The following STAU1 variants were observed in gnomAD, a reference collection of about 807,000 sequenced individuals.
STAU1 encodes staufen double-stranded RNA binding protein 1.
STAU1 carries 13 observed loss-of-function variants against 62.9 expected under a neutral mutation model. That is an observed-to-expected ratio of 0.21 (90% CI 0.13 to 0.33). STAU1 has a LOEUF of 0.33. Among genes scored for constraint, STAU1 ranks in the 10% least tolerant of loss-of-function variants. The pLI is 1.00. For missense variants in STAU1, 571 were observed against 712.1 expected (o/e 0.80, Z 2.25); for synonymous variants, 269 against 265.1 (o/e 1.01, Z -0.14).
the STAU1 span, among the ~76,000 whole-genome samples, chr20:49,207,288 C>CA: frequency 1.3e-5 from 2 of 151,822 alleles, no homozygotes; most frequent in Admixed American, 1.3e-4. Context: ...CCTGCCAAGT[C>CA]AGAGTGTCCA....
At chr20:49,153,487 T>C (rs1282676360) in intron 4 of STAU1, among the ~76,000 whole-genome samples, 1 of 148,378 alleles carries the variant, frequency 6.7e-6, no homozygotes, top group African/African-American at 2.5e-5. Context: ...GGGCAGATCA[T>C]CTGAGGTCCG....
At chr20:49,164,727 C>G (rs1600811220) in intron 3 of STAU1, among the ~76,000 whole-genome samples, 1 of 152,034 alleles carries the variant, frequency 6.6e-6, no homozygotes, top group African/African-American at 2.4e-5. Flanking sequence ...TAATCTCACA[C>G]TACCGTACTC....
intron 3 of STAU1, among the ~76,000 whole-genome samples, chr20:49,164,729 A>AC (rs1156385234): frequency 6.6e-6 from 1 of 152,034 alleles, no homozygotes; most frequent in African/African-American, 2.4e-5. Flanking sequence ...ATCTCACACT[A>AC]CCGTACTCCA....
chr20:49,207,691 A>AT, the STAU1 span, among the ~76,000 whole-genome samples: 20,787 of 148,768 alleles, frequency 0.14, 1,755 homozygotes, highest in African/African-American at 0.24. Flanking sequence ...AATTTTTTGT[A>AT]TTTTTTTTTT....
intron 1 of STAU1, among the ~76,000 whole-genome samples, chr20:49,182,752 TG>T (rs1165645084): frequency 6.7e-6 from 1 of 148,250 alleles, no homozygotes; most frequent in African/African-American, 2.5e-5. Flanking sequence ...GGCAGGAGAA[TG>T]GCATGAACCC....
In STAU1 at chr20:49,151,751, G is replaced by A; in HGVS notation, c.345-4C>T. 1 of 1,604,984 alleles carries A rather than the reference G, an allele frequency of 6.2e-7. No individual in the cohort carries two copies. Among genetic ancestry groups the A allele is most frequent in the Non-Finnish European group, 8.5e-7 (1 of 1,177,210 alleles). ...AACTGGAAATGGGTAAAAGTACCTA[G>A]AAATAAAAGGAGGTTAGGCAAATTA... On this transcript the variant is annotated splice_polypyrimidine_tract_variant and splice_region_variant and intron_variant, in intron 4 of 13. Transcript: ENST00000371856.
intron 5 of STAU1, among the ~76,000 whole-genome samples, chr20:49,148,417 T>G (rs1230289169): frequency 6.6e-6 from 1 of 152,224 alleles, no homozygotes; most frequent in Admixed American, 6.5e-5. Context: ...GATATCCCAT[T>G]ACGTATGATG....
chr20:49,197,900 G>T, the STAU1 span, among the ~76,000 whole-genome samples: 2 of 151,894 alleles, frequency 1.3e-5, no homozygotes, highest in African/African-American at 4.8e-5. Context: ...TAGAGACAAG[G>T]GGCTCACTAT....
At chr20:49,163,465 GC>G (rs1428864072) in intron 3 of STAU1, among the ~76,000 whole-genome samples, 2 of 112,364 alleles carry the variant, frequency 1.8e-5, no homozygotes, top group Admixed American at 1.3e-4. Context: ...TCGCTCTGTT[GC>G]CCAGACTGGA....
chr20:49,203,799 G>C, the STAU1 span, among the ~76,000 whole-genome samples: 1 of 152,322 alleles, frequency 6.6e-6, no homozygotes, highest in African/African-American at 2.4e-5. Context: ...CAAATCCCCT[G>C]CTTCAGCTTC....
intron 5 of STAU1, among the ~76,000 whole-genome samples, chr20:49,147,309 C>T (rs1363221464): frequency 6.6e-6 from 1 of 152,210 alleles, no homozygotes; most frequent in Admixed American, 6.5e-5. Flanking sequence ...CTGACTGTTT[C>T]AACTCAGGGT....
At chr20:49,217,046 G>A in the STAU1 span, among the ~76,000 whole-genome samples, 3 of 152,122 alleles carry the variant, frequency 2.0e-5, no homozygotes, top group African/African-American at 7.2e-5. Context: ...GCTCCCATGG[G>A]GCTGGGACCC....
chr20:49,162,528 A>C (rs2093464390), intron 3 of STAU1, among the ~76,000 whole-genome samples: 1 of 152,130 alleles, frequency 6.6e-6, no homozygotes, highest in Admixed American at 6.5e-5. Flanking sequence ...TAATCCCAAC[A>C]CTTTGGGAGG....
At position 49,166,217 on chromosome 20, in the gene STAU1, A is replaced by T. The variant is rs758564562; in HGVS notation, c.-16T>A. 7 of 1,613,276 alleles carry T rather than the reference A, an allele frequency of 4.3e-6. No individual in the cohort carries two copies. Among genetic ancestry groups the T allele is most frequent in the Non-Finnish European group, 5.9e-6 (7 of 1,179,338 alleles). On this transcript the variant is annotated 5_prime_UTR_variant, in exon 3 of 14. Coordinates refer to ENST00000371856, the MANE Select transcript of STAU1 (RefSeq NM_017453.4). The stretch of plus-strand genomic sequence containing the variant: ...CTTGAGACATGGTCACTTTCAACAA[A>T]AGTGAACAAATGCAGGTAAACAGCT...
chr20:49,175,075 G>A (rs2093642702), intron 1 of STAU1, among the ~76,000 whole-genome samples: 1 of 152,198 alleles, frequency 6.6e-6, no homozygotes, highest in African/African-American at 2.4e-5. Context: ...AGAATCGCTT[G>A]AACCTGGGAG....
intron 2 of STAU1, among the ~76,000 whole-genome samples, chr20:49,167,271 T>C (rs1160217891): frequency 6.6e-6 from 1 of 152,068 alleles, no homozygotes; most frequent in African/African-American, 2.4e-5. Flanking sequence ...TCTCAGGAAA[T>C]AGCCAACCAA....
At chr20:49,194,416 C>T in the STAU1 span, among the ~76,000 whole-genome samples, 25 of 120,704 alleles carry the variant, frequency 2.1e-4, no homozygotes, top group Admixed American at 1.2e-3. Context: ...GCAACAAGAG[C>T]GAAACTCCGT....
intron 1 of STAU1, among the ~76,000 whole-genome samples, chr20:49,178,592 T>TA (rs1007441026): frequency 7.5e-5 from 11 of 147,206 alleles, no homozygotes; most frequent in Non-Finnish European, 1.2e-4. Flanking sequence ...CTACTAAAAA[T>TA]AAAAAAAAAT....
intron 3 of STAU1, among the ~76,000 whole-genome samples, chr20:49,164,094 G>A (rs2093490607): frequency 6.6e-6 from 1 of 152,064 alleles, no homozygotes; most frequent in Admixed American, 6.5e-5. Flanking sequence ...GCCGAGCGTA[G>A]TGGCAGGCAC....
Sources: allele counts gnomAD v4.1 joint callset (sites outside exome capture counted in the v4.1 genomes callset), GRCh38; gene constraint gnomAD v4.1.1; transcripts MANE v1.5; gene names NCBI Gene and HGNC (gene_info 2026-07-23, HGNC 2026-07-21).